Variants in TENM4 observed in about 807,000 individuals in gnomAD.
TENM4 encodes teneurin transmembrane protein 4.
Under a neutral mutation model 243.3 loss-of-function variants are expected in TENM4, and 82 were observed. The ratio of observed to expected loss-of-function variants is 0.34; its 90% CI spans 0.28 to 0.40. The LOEUF (loss-of-function observed/expected upper bound fraction) is 0.40, where lower values mean the gene tolerates loss of function less well. TENM4 is among the 10% of genes least tolerant of loss of function. The pLI is 1.00. For missense variants in TENM4, 3,138 were observed against 3,673.3 expected, an observed-to-expected ratio of 0.85 and a Z score of 3.77; for synonymous variants, 1,412 against 1,456.3, an observed-to-expected ratio of 0.97 and a Z score of 0.69.
At chr11:79,320,325 T>C (rs935727583) in intron 1 of TENM4, among the ~76,000 whole-genome samples, 3 of 152,222 alleles carry the variant, frequency 2.0e-5, no homozygotes, top group African/African-American at 7.2e-5. Flanking sequence ...ATCTAAATTG[T>C]GGGCAATGGC....
intron 29 of TENM4, among the ~76,000 whole-genome samples, chr11:78,686,559 G>A (rs1565331640): frequency 1.3e-5 from 2 of 152,014 alleles, no homozygotes; most frequent in South Asian, 2.1e-4. Flanking sequence ...GGGTTGGGGG[G>A]GCAGTTTTGG....
chr11:79,395,786 C>G (rs1858331712), intron 1 of TENM4, among the ~76,000 whole-genome samples: 1 of 152,158 alleles, frequency 6.6e-6, no homozygotes, highest in Non-Finnish European at 1.5e-5. Flanking sequence ...AGTTTGAATC[C>G]TGGCTCTGCT....
intron 2 of TENM4, among the ~76,000 whole-genome samples, chr11:79,276,433 T>C (rs1856057298): frequency 6.6e-6 from 1 of 152,196 alleles, no homozygotes; most frequent in Non-Finnish European, 1.5e-5. Context: ...AGGGGGACAC[T>C]GGAGCCCCAA....
At chr11:78,904,585 A>C (rs1187199795) in intron 6 of TENM4, among the ~76,000 whole-genome samples, 1 of 152,176 alleles carries the variant, frequency 6.6e-6, no homozygotes, top group East Asian at 1.9e-4. Flanking sequence ...AATGTGCCAG[A>C]GTCCCGTTCT....
chr11:79,259,667 AT>A lies in TENM4; in HGVS notation c.-265+37820del, dbSNP rs1354128739. Reference sequence around the variant, plus strand: ...CATCCATCCATCCATCTATCCATCCATCCATCCATCCATCCATCCATCCATC... The same window carrying A: ...CATCCATCCATCCATCTATCCATCCACCATCCATCCATCCATCCATCCATC... On this transcript the variant is annotated intron_variant, in intron 2 of 33. Coordinates refer to ENST00000278550, the MANE Select transcript of TENM4 (RefSeq NM_001098816.3). 1.1e-4 allele frequency among the ~76,000 whole-genome samples: 12 copies of A among 104,748 alleles called. No individual in the cohort carries two copies. In the East Asian group the frequency reaches 3.0e-3, roughly 26 times the overall value. The allele number at this position is 104,748 out of a possible 152,430, so 68.7% of individuals were successfully genotyped here. A position where few individuals can be genotyped will look rare whatever the true frequency, so the allele number is the denominator to read the frequency against.
intron 4 of TENM4, among the ~76,000 whole-genome samples, chr11:79,146,907 G>C (rs1280093653): frequency 6.6e-6 from 1 of 152,080 alleles, no homozygotes; most frequent in Non-Finnish European, 1.5e-5. Flanking sequence ...ATACTCCTTA[G>C]AGGCAGCCAG....
chr11:78,788,994 G>A (rs1856997695), intron 15 of TENM4, among the ~76,000 whole-genome samples: 1 of 152,018 alleles, frequency 6.6e-6, no homozygotes, highest in African/African-American at 2.4e-5. Flanking sequence ...TTATTCACTT[G>A]TTTCTTTCCT....
At chr11:78,698,188 G>A (rs1485079305) in intron 28 of TENM4, among the ~76,000 whole-genome samples, 1 of 152,136 alleles carries the variant, frequency 6.6e-6, no homozygotes, top group Non-Finnish European at 1.5e-5. Flanking sequence ...GATCACTTGA[G>A]GTCAGGAGTT....
intron 4 of TENM4, among the ~76,000 whole-genome samples, chr11:79,087,297 C>G (rs1246111951): frequency 6.6e-6 from 1 of 152,194 alleles, no homozygotes; most frequent in African/African-American, 2.4e-5. Context: ...ATTTTCCATG[C>G]ATTCCGAGGG....
chr11:79,180,877 ATGTATATCTAAACATATATATGTATG>A (rs1445360468), intron 3 of TENM4, among the ~76,000 whole-genome samples: 18 of 151,310 alleles, frequency 1.2e-4, no homozygotes, highest in Non-Finnish European at 7.4e-5. Context: ...ACATATATAT[ATGTATATCTAAACATATATATGTATG>A]TGTATATATG....
chr11:78,881,546 G>T (rs1040706683), intron 9 of TENM4, among the ~76,000 whole-genome samples: 4 of 152,030 alleles, frequency 2.6e-5, no homozygotes, highest in African/African-American at 9.7e-5. Flanking sequence ...CCCCTTCATG[G>T]TATCCTAGAA....
intron 6 of TENM4, among the ~76,000 whole-genome samples, chr11:79,044,326 AG>A (rs1859607014): frequency 6.6e-6 from 1 of 152,248 alleles, no homozygotes. Context: ...CAAGAAGGTC[AG>A]GGCACTAATA....
chr11:78,717,949 T>C (rs1418069321), intron 25 of TENM4, among the ~76,000 whole-genome samples: 1 of 152,102 alleles, frequency 6.6e-6, no homozygotes, highest in Non-Finnish European at 1.5e-5. Flanking sequence ...CCCCATGGAT[T>C]ATGGGTTTCT....
chr11:79,394,051 G>T (rs895505833), intron 1 of TENM4, among the ~76,000 whole-genome samples: 22 of 152,278 alleles, frequency 1.4e-4, no homozygotes, highest in African/African-American at 4.8e-4. Context: ...CTGGCTCCCC[G>T]CAGCTTGGAA....
chr11:78,662,727 A>G (rs1590920720), intron 32 of TENM4, among the ~76,000 whole-genome samples: 1 of 152,224 alleles, frequency 6.6e-6, no homozygotes, highest in Non-Finnish European at 1.5e-5. Flanking sequence ...TGTGCCCAGG[A>G]CTATGCCGTT....
intron 25 of TENM4, among the ~76,000 whole-genome samples, chr11:78,717,369 A>G (rs543511658): frequency 6.6e-6 from 1 of 152,302 alleles, no homozygotes; most frequent in African/African-American, 2.4e-5. Flanking sequence ...AGTGTCCTTC[A>G]ATGACAGCAG....
At chr11:79,400,291 A>T (rs916921337) in intron 1 of TENM4, among the ~76,000 whole-genome samples, 3 of 151,122 alleles carry the variant, frequency 2.0e-5, no homozygotes, top group African/African-American at 7.3e-5. Context: ...TTTCTGCTCC[A>T]TGGTCCGCTT....
intron 7 of TENM4, among the ~76,000 whole-genome samples, chr11:78,898,164 G>C (rs1239444808): frequency 6.6e-6 from 1 of 152,214 alleles, no homozygotes; most frequent in Non-Finnish European, 1.5e-5. Context: ...CCAGCTCAAA[G>C]GGAGCACAGG....
intron 4 of TENM4, among the ~76,000 whole-genome samples, chr11:79,084,326 A>T (rs1196804610): frequency 6.6e-6 from 1 of 152,256 alleles, no homozygotes; most frequent in Non-Finnish European, 1.5e-5. Context: ...TTAGAACACT[A>T]AATATGCAAT....
Sources: allele counts gnomAD v4.1 joint callset (sites outside exome capture counted in the v4.1 genomes callset), GRCh38; gene constraint gnomAD v4.1.1; transcripts MANE v1.5; gene names NCBI Gene and HGNC (gene_info 2026-07-23, HGNC 2026-07-21).